The following CLEC12B variants were observed in gnomAD, a reference collection of about 807,000 sequenced individuals.
The protein encoded by CLEC12B is C-type lectin domain family 12 member B, also known as macrophage antigen h.
A neutral mutation model predicts 36.1 loss-of-function variants in CLEC12B; 25 were observed. That is an observed-to-expected ratio of 0.69 (90% CI 0.50 to 0.97). The LOEUF (loss-of-function observed/expected upper bound fraction) is 0.97, where lower values mean the gene tolerates loss of function less well. Ranked by LOEUF, CLEC12B falls within the 50% of genes least tolerant of loss-of-function variation. CLEC12B has a pLI of 0.00. For missense variants in CLEC12B, 325 were observed against 318.4 expected, an observed-to-expected ratio of 1.02 and a Z score of -0.16; for synonymous variants, 110 against 108.5, an observed-to-expected ratio of 1.01 and a Z score of -0.09.
chr12:10,009,900 C>G (rs1367395006), upstream of CLEC12B, among the ~76,000 whole-genome samples: 1 of 152,124 alleles, frequency 6.6e-6, no homozygotes, highest in Non-Finnish European at 1.5e-5. Context: ...GCGCTCCCCC[C>G]CCATATTTTC....
At chr12:10,009,229 G>T (rs1332474800), upstream of CLEC12B, among the ~76,000 whole-genome samples, 1 of 152,232 alleles carries the variant, frequency 6.6e-6, no homozygotes, top group African/African-American at 2.4e-5. Context: ...CTACCACTCA[G>T]TCTTTGGGTC....
chr12:10,018,286 C>A, intron 5 of CLEC12B, 45 bp from the exon 6 acceptor site: 1 of 1,188,872 alleles, frequency 8.4e-7, no homozygotes, highest in Non-Finnish European at 1.2e-6. Context: ...ATAGTGATCA[C>A]GTTTCAAATA....
upstream of CLEC12B, among the ~76,000 whole-genome samples, chr12:10,009,175 A>C (rs763974861): frequency 3.9e-5 from 6 of 152,170 alleles, no homozygotes; most frequent in Non-Finnish European, 5.9e-5. Context: ...GACCCCTTCC[A>C]TGCTGTGGAA....
chr12:10,010,882 T>C, intron 1 of CLEC12B, 32 bp downstream of exon 1: 1 of 1,424,814 alleles, frequency 7.0e-7, no homozygotes, highest in Non-Finnish European at 9.9e-7. Flanking sequence ...GCTGTGTCCT[T>C]GGGGGAGTGG....
In CLEC12B at chr12:10,010,756, T is replaced by C. The variant is rs1192759263; in HGVS notation, c.-4T>C. 6.4e-7 allele frequency: 1 copy of C among 1,569,030 alleles called. No individual in the cohort carries two copies. Among genetic ancestry groups the C allele is most frequent in the South Asian group, 1.1e-5 (1 of 90,358 alleles). Reference sequence around the variant, plus strand: ...GATAATTTAAAGTAGCGTTTTCTTCTACAATGTCTGAAGAAGTGACCTACG... The same window carrying C: ...GATAATTTAAAGTAGCGTTTTCTTCCACAATGTCTGAAGAAGTGACCTACG... On this transcript the variant is annotated 5_prime_UTR_variant, in exon 1 of 6. Transcript: ENST00000338896.
At position 10,015,344 on chromosome 12, in the gene CLEC12B, A is replaced by T. The variant is rs748354997; in HGVS notation, c.502A>T (p.Ser168Cys). 7.4e-6 allele frequency: 12 copies of T among 1,613,560 alleles called. No individual in the cohort carries two copies. The highest frequency in any genetic ancestry group is 9.3e-6 in the Non-Finnish European group (11 of 1,179,656). Residue 168 changes from serine to cysteine, a missense_variant, in exon 4 of 6, where the codon AGT (serine) becomes TGT (cysteine). By Grantham distance (112) the Ser-to-Cys change is moderately radical (BLOSUM62 -1). Coordinates refer to ENST00000338896, the MANE Select transcript of CLEC12B (RefSeq NM_001129998.3). ...TTNEEKTWAN[S>C]RKDCIDKNST... ...AAATGAGGAGAAAACCTGGGCTAAC[A>T]GTAGAAAGGACTGCATAGACAAGAA...
chr12:10,015,778 G>C, intron 5 of CLEC12B, 51 bp downstream of exon 5: 2 of 1,604,570 alleles, frequency 1.2e-6, no homozygotes, highest in Non-Finnish European at 1.7e-6. Context: ...GGAATCCTGG[G>C]AAAATTAATA....
At chr12:10,013,672 TCTC>T (rs1189107074) in intron 2 of CLEC12B, among the ~76,000 whole-genome samples, 1 of 152,300 alleles carries the variant, frequency 6.6e-6, no homozygotes, top group South Asian at 2.1e-4. Context: ...GATACTAACA[TCTC>T]CTCTGCTACA....
chr12:10,015,692 G>C lies in CLEC12B; in HGVS notation c.645G>C (p.Trp215Cys), dbSNP rs376861604. Residue 215 changes from tryptophan to cysteine, a missense_variant, in exon 5 of 6, where the codon TGG becomes TGC. Physicochemically the swap from Trp to Cys is radical, Grantham distance 215. Coordinates refer to ENST00000338896, the MANE Select transcript of CLEC12B (RefSeq NM_001129998.3). ...GLSWDSSGRS[W>C]FWEDGSVPSP... Reference sequence around the variant, plus strand: ...CATGGGACTCCTCTGGCAGAAGTTGGTTCTGGGAAGATGGCTCTGTTCCCT... The same window carrying C: ...CATGGGACTCCTCTGGCAGAAGTTGCTTCTGGGAAGATGGCTCTGTTCCCT... The C allele has an allele frequency of 6.2e-7, 1 of 1,613,686 alleles. No individual in the cohort carries two copies. Among genetic ancestry groups the C allele is most frequent in the Admixed American group, 1.7e-5 (1 of 59,988 alleles).
chr12:10,012,668 G>A (rs1383104586), intron 1 of CLEC12B, 117 bp from the exon 2 acceptor site: 2 of 710,884 alleles, frequency 2.8e-6, no homozygotes, highest in African/African-American at 3.6e-5. Flanking sequence ...GGGCATTAAA[G>A]AAGCAAGAAA....
rs138901970 is a variant in CLEC12B, at chr12:10,018,050, A to C, written c.681-281A>C. The C allele has an allele frequency of 6.1e-5, 45 of 737,120 alleles. No homozygotes were observed. In the South Asian group the frequency reaches 2.7e-3, roughly 44 times the overall value. 45.7% of individuals were successfully genotyped at this position (737,120 alleles called of 1,614,324 possible). A position where few individuals can be genotyped will look rare whatever the true frequency, so the allele number is the denominator to read the frequency against. ...GATTAGATTTCATTAATGGAATTAC[A>C]TATTTATGAAGGAAATACAAATTCT... On this transcript the variant is annotated intron_variant, in intron 5 of 5. Coordinates refer to ENST00000338896, the MANE Select transcript of CLEC12B (RefSeq NM_001129998.3).
intron 4 of CLEC12B, 71 bp from the exon 5 acceptor site, chr12:10,015,541 C>G: frequency 6.3e-7 from 1 of 1,590,656 alleles, no homozygotes; most frequent in Admixed American, 1.8e-5. Flanking sequence ...AATGAATGTC[C>G]TCATCTATCT....
At chr12:10,009,919 T>C (rs992612293), upstream of CLEC12B, among the ~76,000 whole-genome samples, 5 of 152,200 alleles carry the variant, frequency 3.3e-5, no homozygotes, top group African/African-American at 1.2e-4. Flanking sequence ...TCCTGGGTTC[T>C]GTATTAACTA....
Position 10,017,016 on chromosome 12 carries a change from A to G in CLEC12B, c.680+1289A>G, listed in dbSNP as rs547188797. ...TTCTTAAACTGAATAATAATCACTCATCTTCTGTCAAAGATGCCATGCTTC... is the reference window on the plus strand; with the variant it reads ...TTCTTAAACTGAATAATAATCACTCGTCTTCTGTCAAAGATGCCATGCTTC... On this transcript the variant is annotated intron_variant, in intron 5 of 5. Coordinates refer to ENST00000338896, the MANE Select transcript of CLEC12B (RefSeq NM_001129998.3). 51 of 983,960 alleles carry G rather than the reference A, an allele frequency of 5.2e-5. No homozygotes were observed. In the East Asian group the frequency reaches 2.6e-3, roughly 51 times the overall value. The allele number at this position is 983,960 out of a possible 1,614,324, so 61.0% of individuals were successfully genotyped here.
At chr12:10,017,764 A>G (rs547268184) in intron 5 of CLEC12B, 1 of 877,184 alleles carries the variant, frequency 1.1e-6, no homozygotes, top group South Asian at 5.3e-5. Context: ...TTTTCTAAAG[A>G]CATTATTTCA....
chr12:10,017,763 G>T (rs949967296), intron 5 of CLEC12B: 2 of 878,238 alleles, frequency 2.3e-6, no homozygotes, highest in Admixed American at 6.2e-5. Context: ...ATTTTCTAAA[G>T]ACATTATTTC....
rs774134365 is a variant in CLEC12B, at chr12:10,012,837, T to C, written c.144T>C (p.Thr48=). The change falls in exon 2 of 6, where the codon ACT becomes ACC. Residue 48 remains threonine, a synonymous_variant. Coordinates refer to ENST00000338896, the MANE Select transcript of CLEC12B (RefSeq NM_001129998.3). ...GTCATGCTGCTCTGGGTCTGGTAAC[T>C]CTTTGCCTGATGTTGCTGATTGGGC... ...IWRHAALGLV[T]LCLMLLIGLV... is the part of the protein sequence containing the mutation. The C allele has an allele frequency of 1.2e-6, 2 of 1,613,910 alleles. No homozygotes were observed. The highest frequency in any genetic ancestry group is 2.2e-5 in the East Asian group (1 of 44,886).
intron 2 of CLEC12B, among the ~76,000 whole-genome samples, chr12:10,013,717 T>A (rs114845449): frequency 6.6e-5 from 10 of 152,228 alleles, no homozygotes; most frequent in African/African-American, 1.2e-4. Flanking sequence ...AATGGATAAT[T>A]TTTTAGGATT....
At chr12:10,017,944 A>T in intron 5 of CLEC12B, 1 of 960,586 alleles carries the variant, frequency 1.0e-6, no homozygotes, top group South Asian at 4.8e-5. Flanking sequence ...ATAACTTTTT[A>T]CAACAGAATG....
Sources: allele counts gnomAD v4.1 joint callset (sites outside exome capture counted in the v4.1 genomes callset), GRCh38; gene constraint gnomAD v4.1.1; transcripts MANE v1.5; gene names NCBI Gene and HGNC (gene_info 2026-07-23, HGNC 2026-07-21).